Variants in CXCL14 observed in about 807,000 individuals in gnomAD.
The protein encoded by CXCL14 is C-X-C motif chemokine 14.
In CXCL14, 9 loss-of-function variants were observed where a neutral mutation model predicts 16.1. The observed-to-expected ratio is 0.56, with a 90% CI of 0.34 to 0.97. The LOEUF (loss-of-function observed/expected upper bound fraction) is 0.97, where lower values mean the gene tolerates loss of function less well. Ranked by LOEUF, CXCL14 falls within the 50% of genes least tolerant of loss-of-function variation. CXCL14 has a pLI of 0.02. For missense variants in CXCL14, 111 were observed against 132.5 expected, an observed-to-expected ratio of 0.84 and a Z score of 0.80; for synonymous variants, 55 against 52.8, an observed-to-expected ratio of 1.04 and a Z score of -0.18.
rs756472908 is a variant in CXCL14 at position 135,571,887 on chromosome 5, T to C, written c.285-19A>G. ...GTAGACCCTGGGGAGAAAAAACACA[T>C]GTGTAAGTGGCTCAGGACATGAGGC... On this transcript the variant is annotated intron_variant, in intron 3 of 3. Coordinates refer to ENST00000512158, the MANE Select transcript of CXCL14 (RefSeq NM_004887.5). The C allele has an allele frequency of 1.6e-5, 25 of 1,612,218 alleles. No homozygotes were observed. In the South Asian group the frequency reaches 2.4e-4, roughly 16 times the overall value.
Position 135,571,705 on chromosome 5 carries a change from T to C in CXCL14, c.*148A>G. On this transcript the variant is annotated 3_prime_UTR_variant, in exon 4 of 4. Transcript: ENST00000512158. Reference sequence around the variant, plus strand: ...GTTGGTAAAAAGTGCTTCATAACAATATATAATTTGTGTCTTATGCCTGTG... The same window carrying C: ...GTTGGTAAAAAGTGCTTCATAACAACATATAATTTGTGTCTTATGCCTGTG... The C allele has an allele frequency of 1.3e-6, 1 of 795,966 alleles. No individual in the cohort carries two copies. Among genetic ancestry groups the C allele is most frequent in the South Asian group, 2.1e-5 (1 of 47,364 alleles). The allele number at this position is 795,966 out of a possible 1,614,324, so 49.3% of individuals were successfully genotyped here.
chr5:135,573,632 C>G (rs1188948527), intron 3 of CXCL14, among the ~76,000 whole-genome samples: 2 of 152,080 alleles, frequency 1.3e-5, no homozygotes, highest in African/African-American at 2.4e-5. Flanking sequence ...TTCCATTTAG[C>G]CTTGATATCC....
At position 135,578,853 on chromosome 5, in the gene CXCL14, C is replaced by A; in HGVS notation, c.-75G>T. Reference sequence around the variant, plus strand: ...GCCCGTCGGAGCGGCGGCCCGGAGACGCCACCCAGCTCTGCTCGGCTTTCT... The same window carrying A: ...GCCCGTCGGAGCGGCGGCCCGGAGAAGCCACCCAGCTCTGCTCGGCTTTCT... On this transcript the variant is annotated 5_prime_UTR_variant, in exon 1 of 4. Coordinates refer to ENST00000512158, the MANE Select transcript of CXCL14 (RefSeq NM_004887.5). 7.0e-7 allele frequency: 1 copy of A among 1,432,340 alleles called. No homozygotes were observed. The highest frequency in any genetic ancestry group is 9.2e-7 in the Non-Finnish European group (1 of 1,086,676). 88.7% of individuals were successfully genotyped at this position (1,432,340 alleles called of 1,614,324 possible).
intron 2 of CXCL14, 40 bp from the exon 3 acceptor site, chr5:135,574,725 G>A: frequency 6.6e-7 from 1 of 1,517,684 alleles, no homozygotes; most frequent in South Asian, 1.1e-5. Context: ...TGAGGAGCCT[G>A]AATAACATGT....
chr5:135,578,518 C>G lies in CXCL14; in HGVS notation c.86G>C (p.Arg29Pro). 1 of 1,614,176 alleles carries G rather than the reference C, an allele frequency of 6.2e-7. No individual in the cohort carries two copies. The highest frequency in any genetic ancestry group is 2.2e-5 in the East Asian group (1 of 44,870). Residue 29 changes from arginine (R) to proline (P), a missense_variant, in exon 2 of 4, where the codon CGG (arginine) becomes CCG (proline). Coordinates refer to ENST00000512158, the MANE Select transcript of CXCL14 (RefSeq NM_004887.5). ...RVDGSKCKCSRKGPKIRYSDV... is the reference protein window; with the variant it reads ...RVDGSKCKCSPKGPKIRYSDV... ...GCTGTAGCGGATCTTGGGTCCCTTC[C>G]GGGAGCACTTGCATTTGGACCCTGC...
At chr5:135,571,915 G>A (rs755007356) in intron 3 of CXCL14, 47 bp from the exon 4 acceptor site, 4 of 1,606,484 alleles carry the variant, frequency 2.5e-6, no homozygotes, top group Non-Finnish European at 3.4e-6. Flanking sequence ...CATGAGGCAG[G>A]CCGTTCACAA....
At chr5:135,576,742 C>T (rs1751104188) in intron 2 of CXCL14, among the ~76,000 whole-genome samples, 3 of 151,186 alleles carry the variant, frequency 2.0e-5, no homozygotes, top group Admixed American at 2.0e-4. Flanking sequence ...CCCCCCGCCC[C>T]TACTCCTGCC....
chr5:135,571,742 C>CTTTTTTTTTTT lies in CXCL14; in HGVS notation c.*100_*110dup, dbSNP rs566365690. The CTTTTTTTTTTT allele has an allele frequency of 2.0e-5, 9 of 460,622 alleles. No individual in the cohort carries two copies. The highest frequency in any genetic ancestry group is 6.4e-5 in the Admixed American group (1 of 15,544). 28.5% of individuals were successfully genotyped at this position (460,622 alleles called of 1,614,324 possible). On this transcript the variant is annotated 3_prime_UTR_variant, in exon 4 of 4. Coordinates refer to ENST00000512158, the MANE Select transcript of CXCL14 (RefSeq NM_004887.5). Reference sequence around the variant, plus strand: ...GTCTTATGCCTGTGAGAAAGAAAGGCTTTTTTTTTTTTTTTTTTTTTTTTT... The same window carrying CTTTTTTTTTTT: ...GTCTTATGCCTGTGAGAAAGAAAGGCTTTTTTTTTTTTTTTTTTTTTTTTTTTTTTTTTTTT...
intron 3 of CXCL14, among the ~76,000 whole-genome samples, chr5:135,572,198 G>A (rs1191089241): frequency 6.6e-6 from 1 of 152,172 alleles, no homozygotes; most frequent in African/African-American, 2.4e-5. Flanking sequence ...AGTGGCCACC[G>A]ACTGTTAGTG....
In CXCL14 at chr5:135,570,885, A is replaced by T; in HGVS notation, c.*968T>A. On this transcript the variant is annotated 3_prime_UTR_variant, in exon 4 of 4. Transcript: ENST00000512158. ...GCATGGTCATCTTAGCTTTCGAAAG[A>T]GGACTGCACTGTTTAACATTGAAGA... 6.6e-6 allele frequency: 1 copy of T among 152,180 alleles called. No individual in the cohort carries two copies. Among genetic ancestry groups the T allele is most frequent in the Non-Finnish European group, 1.5e-5 (1 of 68,040 alleles). The allele number at this position is 152,180 out of a possible 1,614,324, so 9.4% of individuals were successfully genotyped here.
intron 3 of CXCL14, 69 bp downstream of exon 3, chr5:135,574,503 G>C (rs1264613794): frequency 5.5e-6 from 7 of 1,264,458 alleles, no homozygotes; most frequent in Middle Eastern, 2.6e-4. Flanking sequence ...CTGGTGGGGG[G>C]GTCCCTTCCC....
In CXCL14 at chr5:135,578,834, C is replaced by T. The variant is rs1337191259; in HGVS notation, c.-56G>A. On this transcript the variant is annotated 5_prime_UTR_variant, in exon 1 of 4. Transcript: ENST00000512158. The stretch of plus-strand genomic sequence containing the variant: ...GGACATGGGGAGGGCGCTGGCCCGT[C>T]GGAGCGGCGGCCCGGAGACGCCACC... The T allele has an allele frequency of 4.1e-6, 6 of 1,477,890 alleles. No individual in the cohort carries two copies. The highest frequency in any genetic ancestry group is 1.8e-6 in the Non-Finnish European group (2 of 1,120,752). 91.5% of individuals were successfully genotyped at this position (1,477,890 alleles called of 1,614,324 possible).
rs1159065936 is a variant in CXCL14, at chr5:135,571,808, A to G, written c.*45T>C. 2 of 1,245,860 alleles carry G rather than the reference A, an allele frequency of 1.6e-6. No homozygotes were observed. The highest frequency in any genetic ancestry group is 2.2e-6 in the Non-Finnish European group (2 of 918,822). 77.2% of individuals were successfully genotyped at this position (1,245,860 alleles called of 1,614,324 possible). On this transcript the variant is annotated 3_prime_UTR_variant, in exon 4 of 4. Transcript: ENST00000512158. The stretch of plus-strand genomic sequence containing the variant: ...TTTAATCTGCAAAGTCCTTTGCACA[A>G]GTCTCCCAACTGGTTTGGAGTTTTC...
chr5:135,572,903 A>T (rs1387893130), intron 3 of CXCL14, among the ~76,000 whole-genome samples: 1 of 152,128 alleles, frequency 6.6e-6, no homozygotes, highest in African/African-American at 2.4e-5. Flanking sequence ...AGATATTTTC[A>T]ACTTGTTTCA....
At chr5:135,578,662 T>G in intron 1 of CXCL14, 53 bp downstream of exon 1, 1 of 1,567,128 alleles carries the variant, frequency 6.4e-7, no homozygotes, top group Non-Finnish European at 8.7e-7. Flanking sequence ...GCGCTTGGGT[T>G]CCCCAGGACA....
chr5:135,571,016 C>T lies in CXCL14; in HGVS notation c.*837G>A, dbSNP rs1360360718. On this transcript the variant is annotated 3_prime_UTR_variant, in exon 4 of 4. Coordinates refer to ENST00000512158, the MANE Select transcript of CXCL14 (RefSeq NM_004887.5). ...TTTCCCTTGTCAACAGAATGTGTGT[C>T]TGTAGCTGTGTATTGCGCATGTATT... 6.6e-6 allele frequency: 1 copy of T among 152,180 alleles called. No individual in the cohort carries two copies. The highest frequency in any genetic ancestry group is 2.4e-5 in the African/African-American group (1 of 41,434). 9.4% of individuals were successfully genotyped at this position (152,180 alleles called of 1,614,324 possible). A position where few individuals can be genotyped will look rare whatever the true frequency, so the allele number is the denominator to read the frequency against.
rs776439534 is a variant in CXCL14, at chr5:135,571,835, C to T, written c.*18G>A. 2 of 1,496,270 alleles carry T rather than the reference C, an allele frequency of 1.3e-6. No homozygotes were observed. Among genetic ancestry groups the T allele is most frequent in the Non-Finnish European group, 1.8e-6 (2 of 1,111,984 alleles). 92.7% of individuals were successfully genotyped at this position (1,496,270 alleles called of 1,614,324 possible). ...TCTCCCAACTGGTTTGGAGTTTTCC[C>T]TTCTGAGGTTTTTCACCCTATTCTT... On this transcript the variant is annotated 3_prime_UTR_variant, in exon 4 of 4. Transcript: ENST00000512158.
chr5:135,576,757 C>G (rs1186181427), intron 2 of CXCL14, among the ~76,000 whole-genome samples: 1 of 151,622 alleles, frequency 6.6e-6, no homozygotes, highest in Non-Finnish European at 1.5e-5. Context: ...CCTGCCCCCA[C>G]CCCCAGCCTC....
intron 2 of CXCL14, among the ~76,000 whole-genome samples, chr5:135,576,047 A>G (rs1253336269): frequency 6.6e-6 from 1 of 152,178 alleles, no homozygotes; most frequent in Non-Finnish European, 1.5e-5. Flanking sequence ...TTGCCACCAG[A>G]ATGGGGGCAT....
Sources: allele counts gnomAD v4.1 joint callset (sites outside exome capture counted in the v4.1 genomes callset), GRCh38; gene constraint gnomAD v4.1.1; transcripts MANE v1.5; gene names NCBI Gene and HGNC (gene_info 2026-07-23, HGNC 2026-07-21).